Variants in KPNA7 observed in about 807,000 individuals in gnomAD.
KPNA7 encodes the protein importin subunit alpha-8.
Under a neutral mutation model 53.7 loss-of-function variants are expected in KPNA7, and 54 were observed. The observed-to-expected ratio is 1.01, with a 90% CI of 0.81 to 1.26. The LOEUF is 1.26. KPNA7 is among the 50% of genes most tolerant of loss of function. The probability of loss-of-function intolerance (pLI) is 0.00; values close to 1 mark genes in which losing one functional copy is unlikely to be tolerated. For missense variants in KPNA7, 640 were observed against 644.5 expected (o/e 0.99, Z 0.07); for synonymous variants, 276 against 259.3 (o/e 1.06, Z -0.62).
intron 9 of KPNA7, 121 bp from the exon 10 acceptor site, chr7:99,178,187 T>A: frequency 1.2e-6 from 1 of 809,876 alleles, no homozygotes; most frequent in Non-Finnish European, 1.9e-6. Flanking sequence ...CATTCCAGAA[T>A]GGATAGTTGC....
chr7:99,164,066 G>A, the KPNA7 span, among the ~76,000 whole-genome samples: 2,224 of 150,376 alleles, frequency 0.015, 41 homozygotes, highest in African/African-American at 0.048. Flanking sequence ...CAACCATTGT[G>A]GAAGTCAGTG....
At chr7:99,214,446 AAAAAACAAAAAAC>A (rs1408308429) in intron 1 of KPNA7, among the ~76,000 whole-genome samples, 1 of 145,632 alleles carries the variant, frequency 6.9e-6, no homozygotes, top group Admixed American at 7.0e-5. Flanking sequence ...CTATCTCAAA[AAAAAACAAAAAAC>A]AAAAACAAAA....
upstream of KPNA7, among the ~76,000 whole-genome samples, chr7:99,212,828 C>T (rs542725021): frequency 3.0e-4 from 46 of 152,060 alleles, no homozygotes; most frequent in Non-Finnish European, 5.0e-4. Flanking sequence ...GAAATCAAGG[C>T]TGCAGTGAGC....
At chr7:99,219,109 G>A (rs187887047) in intron 1 of KPNA7, among the ~76,000 whole-genome samples, 73 of 152,360 alleles carry the variant, frequency 4.8e-4, no homozygotes, top group African/African-American at 1.5e-3. Flanking sequence ...GAATCACTTG[G>A]GGAGTTTTGA....
chr7:99,198,537 T>C (rs931061087), intron 3 of KPNA7, among the ~76,000 whole-genome samples: 2 of 151,988 alleles, frequency 1.3e-5, no homozygotes. Flanking sequence ...ACCCACATGA[T>C]CATCTCAATG....
intron 8 of KPNA7, among the ~76,000 whole-genome samples, 198 bp downstream of exon 8, chr7:99,184,731 C>CG: frequency 6.6e-6 from 1 of 152,176 alleles, no homozygotes; most frequent in East Asian, 1.9e-4. Context: ...ATGCTTGTTC[C>CG]GTCTTCCAAA....
intron 3 of KPNA7, among the ~76,000 whole-genome samples, chr7:99,197,504 C>G (rs1235597407): frequency 1.3e-5 from 2 of 152,038 alleles, no homozygotes; most frequent in African/African-American, 4.8e-5. Flanking sequence ...AGCAATAGTC[C>G]CTGAGGAGAC....
chr7:99,158,705 A>C, the KPNA7 span, among the ~76,000 whole-genome samples: 2 of 151,634 alleles, frequency 1.3e-5, no homozygotes. Flanking sequence ...GGCTTCACCA[A>C]GTTGGCCAGG....
chr7:99,153,697 A>G, the KPNA7 span, among the ~76,000 whole-genome samples: 1 of 152,078 alleles, frequency 6.6e-6, no homozygotes, highest in African/African-American at 2.4e-5. Context: ...AGATGGGTGC[A>G]GTGGCTCATG....
At chr7:99,167,283 A>C in the KPNA7 span, among the ~76,000 whole-genome samples, 1 of 152,178 alleles carries the variant, frequency 6.6e-6, no homozygotes, top group Non-Finnish European at 1.5e-5. Flanking sequence ...TTGCCTTAGC[A>C]CAGCAGTCTC....
chr7:99,165,023 C>T, the KPNA7 span, among the ~76,000 whole-genome samples: 1 of 152,168 alleles, frequency 6.6e-6, no homozygotes, highest in Non-Finnish European at 1.5e-5. Context: ...TGCCTGTAAT[C>T]CCAGCTACTC....
chr7:99,152,315 T>A, the KPNA7 span, among the ~76,000 whole-genome samples: 2 of 150,052 alleles, frequency 1.3e-5, no homozygotes, highest in East Asian at 3.9e-4. Context: ...TGAGACAAGA[T>A]TGTGCCACTG....
chr7:99,186,922 G>A (rs1789624840), intron 7 of KPNA7, among the ~76,000 whole-genome samples: 1 of 152,142 alleles, frequency 6.6e-6, no homozygotes, highest in Non-Finnish European at 1.5e-5. Context: ...AGAGCAGGCA[G>A]CATAGAGACA....
chr7:99,149,875 A>C, the KPNA7 span, among the ~76,000 whole-genome samples: 1 of 151,694 alleles, frequency 6.6e-6, no homozygotes, highest in Non-Finnish European at 1.5e-5. Flanking sequence ...GCAACCTGCA[A>C]CCTCCGCCTC....
rs532926895 is a variant in KPNA7 at position 99,216,492 on chromosome 7, A to T, written c.-23-9003T>A. On this transcript the variant is annotated intron_variant, in intron 1 of 10. Coordinates refer to the KPNA7 transcript ENST00000681060. ...CTGTAAGACCCCTGCCCTGTGTGAC[A>T]GGTACCAGAGGCCCTGCCAAGGAAC... 4.6e-5 allele frequency among the ~76,000 whole-genome samples: 7 copies of T among 152,266 alleles called. No homozygotes were observed. The South Asian group carries it at 1.5e-3, about 32-fold the overall frequency.
Position 99,194,882 on chromosome 7 carries a change from G to A in KPNA7, c.553+188C>T, listed in dbSNP as rs1790146410. ...GGCCTCCCAACATGCTGGGATTACA[G>A]ACGTGAGCCACCGTGCCTGGCCTGG... On this transcript the variant is annotated intron_variant, in intron 5 of 10. Coordinates refer to ENST00000327442, the MANE Select transcript of KPNA7 (RefSeq NM_001145715.3). Among the ~76,000 whole-genome samples, 4 of 152,148 alleles carry A rather than the reference G, an allele frequency of 2.6e-5. No homozygotes were observed. The South Asian group carries it at 8.3e-4, about 32-fold the overall frequency.
downstream of KPNA7, among the ~76,000 whole-genome samples, chr7:99,172,679 AG>A (rs1009762255): frequency 1.6e-4 from 25 of 152,306 alleles, no homozygotes; most frequent in African/African-American, 5.5e-4. Context: ...AGATCTTGTC[AG>A]TGTCAGGATA....
chr7:99,217,694 T>G (rs1296760335), intron 1 of KPNA7, among the ~76,000 whole-genome samples: 12 of 141,342 alleles, frequency 8.5e-5, no homozygotes, highest in Non-Finnish European at 1.7e-4. Context: ...GTAGTGGTGC[T>G]ATCTCGGCTC....
chr7:99,191,104 G>T (rs569624400), intron 6 of KPNA7, among the ~76,000 whole-genome samples: 1 of 151,462 alleles, frequency 6.6e-6, no homozygotes, highest in Admixed American at 6.6e-5. Context: ...TCCCTTTCAC[G>T]TCTAGAATGG....
Sources: gnomAD v4.1 joint callset for allele counts (sites outside exome capture counted in the v4.1 genomes callset) on GRCh38, gnomAD v4.1.1 for gene constraint, MANE v1.5 for transcripts, NCBI Gene and HGNC (gene_info 2026-07-23, HGNC 2026-07-21) for gene names.